Variants in ABCC8 observed in about 807,000 individuals in gnomAD.
ABCC8 encodes ATP-binding cassette sub-family C member 8.
In ABCC8, 137 loss-of-function variants were observed where a neutral mutation model predicts 188.0. The observed-to-expected ratio is 0.73, with a 90% CI of 0.63 to 0.84. The LOEUF is 0.84. ABCC8 is among the 40% of genes least tolerant of loss of function. The pLI is 0.00. For missense variants in ABCC8, 1,750 were observed against 2,072.7 expected (o/e 0.84, Z 3.02); for synonymous variants, 797 against 846.5 (o/e 0.94, Z 1.01).
intron 19 of ABCC8, among the ~76,000 whole-genome samples, chr11:17,414,156 G>A (rs573572763): frequency 1.3e-4 from 20 of 152,340 alleles, no homozygotes; most frequent in African/African-American, 2.6e-4. Flanking sequence ...TAGTAAGAGC[G>A]CAGTCGATGC....
At chr11:17,447,329 G>T (rs1344925510) in intron 8 of ABCC8, among the ~76,000 whole-genome samples, 1 of 152,218 alleles carries the variant, frequency 6.6e-6, no homozygotes, top group Non-Finnish European at 1.5e-5. Context: ...GATCAATCAT[G>T]CTGACGATTC....
Position 17,438,412 on chromosome 11 carries a change from C to G in ABCC8, c.1630+4308G>C, listed in dbSNP as rs142827293. ...CTATTCATGGGCATGATCAATCTCC[C>G]ACAAGACTGGGAGGGCCAGGGCCAT... On this transcript the variant is annotated intron_variant, in intron 10 of 38. Transcript: ENST00000389817. 8.0e-3 allele frequency among the ~76,000 whole-genome samples: 1,223 copies of G among 152,332 alleles called. 19 individuals carry two copies. Among genetic ancestry groups the G allele is most frequent in the African/African-American group, 0.028 (1,166 of 41,566 alleles).
intron 19 of ABCC8, among the ~76,000 whole-genome samples, chr11:17,414,292 C>T (rs921409674): frequency 4.6e-5 from 7 of 152,232 alleles, no homozygotes; most frequent in East Asian, 1.9e-4. Flanking sequence ...CCCTTCCCTC[C>T]ATTCCTGCCC....
intron 33 of ABCC8, 86 bp downstream of exon 33, chr11:17,396,830 G>A (rs1053420626): frequency 2.6e-6 from 4 of 1,554,096 alleles, no homozygotes; most frequent in Middle Eastern, 1.9e-4. Context: ...GGGCCACGAG[G>A]TGACTGCGAA....
rs757428439 is a variant in ABCC8, at chr11:17,404,070, C to T, written c.3557+442G>A. On this transcript the variant is annotated intron_variant, in intron 28 of 38. Coordinates refer to ENST00000389817, the MANE Select transcript of ABCC8 (RefSeq NM_000352.6). This position sits in a 1 kb window ranked among gnomAD's most constrained non-coding sequence, Gnocchi z 4.7. ...TGAGAATGGCTGTGAGAGGCTCCCT[C>T]AAGTCAAGGCTTACAGCTACACTCT... Among the ~76,000 whole-genome samples, 2 of 152,136 alleles carry T rather than the reference C, an allele frequency of 1.3e-5. No homozygotes were observed. The highest frequency in any genetic ancestry group is 4.8e-5 in the African/African-American group (2 of 41,424).
chr11:17,397,702 G>A lies in ABCC8; in HGVS notation c.3849C>T (p.Gly1283=), dbSNP rs1362956062. The change falls in exon 31 of 39, where the codon GGC becomes GGT. Residue 1283 remains glycine (G), a synonymous_variant. Coordinates refer to ENST00000389817, the MANE Select transcript of ABCC8 (RefSeq NM_000352.6). ...RELSAGLVGL[G]LTYALMVSNY... is the part of the protein sequence containing the mutation. Reference sequence around the variant, plus strand: ...CGCTCACCATTAGGGCGTAGGTAAGGCCCAGGCCCACCAGGCCAGCAGAGA... The same window carrying A: ...CGCTCACCATTAGGGCGTAGGTAAGACCCAGGCCCACCAGGCCAGCAGAGA... The A allele has an allele frequency of 6.2e-7, 1 of 1,613,124 alleles. No homozygotes were observed. The highest frequency in any genetic ancestry group is 8.5e-7 in the Non-Finnish European group (1 of 1,180,002).
At chr11:17,399,266 A>C in intron 29 of ABCC8, among the ~76,000 whole-genome samples, 2 of 120,342 alleles carry the variant, frequency 1.7e-5, no homozygotes, top group Admixed American at 2.0e-4. Context: ...ACAAAGTGAG[A>C]CTCTGCCTCA....
chr11:17,466,151 A>G (rs1848131913), intron 3 of ABCC8, among the ~76,000 whole-genome samples: 1 of 152,176 alleles, frequency 6.6e-6, no homozygotes, highest in Admixed American at 6.5e-5. Context: ...CTGTAATCCG[A>G]GCACTTTGGG....
At chr11:17,460,879 TG>T (rs1263349895) in intron 5 of ABCC8, 4 of 1,057,422 alleles carry the variant, frequency 3.8e-6, no homozygotes, top group Middle Eastern at 6.3e-4. Flanking sequence ...ATGGTCTAGA[TG>T]GGGAAACTAA....
At chr11:17,468,012 C>T (rs1018492275) in intron 3 of ABCC8, among the ~76,000 whole-genome samples, 2 of 96,580 alleles carry the variant, frequency 2.1e-5, no homozygotes, top group African/African-American at 1.2e-4. Context: ...TCAGCCAGGC[C>T]CTGGTTAATG....
Position 17,428,189 on chromosome 11 carries a change from C to A in ABCC8, c.2040+100G>T, listed in dbSNP as rs948658520. 12 of 1,585,096 alleles carry A rather than the reference C, an allele frequency of 7.6e-6. No individual in the cohort carries two copies. In the South Asian group the frequency reaches 1.2e-4, roughly 16 times the overall value. ...GGACCGTACAGGCAGGCAGGGTGAC[C>A]TCTGCAGAGGACTAAGCATGCAGCT... is the stretch of plus-strand genomic sequence containing the variant. On this transcript the variant is annotated intron_variant, in intron 14 of 38. Transcript: ENST00000389817.
At chr11:17,431,962 G>A (rs1049387525) in intron 11 of ABCC8, among the ~76,000 whole-genome samples, 1 of 152,190 alleles carries the variant, frequency 6.6e-6, no homozygotes, top group African/African-American at 2.4e-5. Flanking sequence ...TTTTTTAAAA[G>A]AAAGTTTAAT....
At chr11:17,411,003 C>T (rs1467090397) in intron 21 of ABCC8, among the ~76,000 whole-genome samples, 3 of 152,212 alleles carry the variant, frequency 2.0e-5, no homozygotes, top group Non-Finnish European at 4.4e-5. Flanking sequence ...TCTGTGCTTT[C>T]CCAGCACTCT....
chr11:17,397,622 C>T lies in ABCC8; in HGVS notation c.3867+62G>A, dbSNP rs922019830. 2.8e-5 allele frequency: 44 copies of T among 1,566,978 alleles called. No homozygotes were observed. The Admixed American group carries it at 3.2e-4, about 11-fold the overall frequency. ...TGGGAGTGTCTCATGTCTCCAGTGA[C>T]GAAGGTGCTCCGGGAGTGCTGGTGT... On this transcript the variant is annotated intron_variant, in intron 31 of 38. Coordinates refer to ENST00000389817, the MANE Select transcript of ABCC8 (RefSeq NM_000352.6).
intron 4 of ABCC8, 61 bp downstream of exon 4, chr11:17,463,377 G>C: frequency 7.1e-7 from 1 of 1,413,318 alleles, no homozygotes; most frequent in African/African-American, 1.4e-5. Context: ...CTGAACCCAG[G>C]GCAGGACAGA....
rs1044915130 is a variant in ABCC8, at chr11:17,404,421, G to A, written c.3557+91C>T. On this transcript the variant is annotated intron_variant, in intron 28 of 38. Transcript: ENST00000389817. The surrounding 1 kb of genome is among the most constrained non-coding windows in gnomAD (Gnocchi z 4.7). ...TGTTTTTATTTTTTGGAGGGAACAC[G>A]ACCCTATTACTCTCATAACGATGAG... 30 of 1,317,940 alleles carry A rather than the reference G, an allele frequency of 2.3e-5. No individual in the cohort carries two copies. Among genetic ancestry groups the A allele is most frequent in the African/African-American group, 1.6e-4 (11 of 68,904 alleles). The allele number at this position is 1,317,940 out of a possible 1,614,324, so 81.6% of individuals were successfully genotyped here.
chr11:17,446,097 C>G (rs552311201), intron 8 of ABCC8, among the ~76,000 whole-genome samples: 1 of 152,008 alleles, frequency 6.6e-6, no homozygotes, highest in African/African-American at 2.4e-5. Flanking sequence ...TCCGGAGTAG[C>G]TGAGACTACA....
At chr11:17,448,739 C>T in intron 7 of ABCC8, 68 bp from the exon 8 acceptor site, 1 of 1,612,610 alleles carries the variant, frequency 6.2e-7, no homozygotes, top group South Asian at 1.1e-5. Flanking sequence ...CCAGATGCCA[C>T]CTGTTACAGT....
In ABCC8 at chr11:17,461,575, C is replaced by T; in HGVS notation, c.822+8G>A. 1 of 1,614,190 alleles carries T rather than the reference C, an allele frequency of 6.2e-7. No homozygotes were observed. Among genetic ancestry groups the T allele is most frequent in the East Asian group, 2.2e-5 (1 of 44,870 alleles). The stretch of plus-strand genomic sequence containing the variant: ...GTGAATAGATGGTGTGGCTGTGCCC[C>T]CACTGACCACCTGGGCGTCAAAGGC... On this transcript the variant is annotated splice_region_variant and intron_variant, in intron 5 of 38. Coordinates refer to ENST00000389817, the MANE Select transcript of ABCC8 (RefSeq NM_000352.6).
Sources: gnomAD v4.1 joint callset for allele counts (sites outside exome capture counted in the v4.1 genomes callset) on GRCh38, gnomAD v4.1.1 for gene constraint, Gnocchi (gnomAD v3.1) non-coding constraint, MANE v1.5 for transcripts, NCBI Gene and HGNC (gene_info 2026-07-23, HGNC 2026-07-21) for gene names.